Variants in ME3 observed in about 807,000 individuals in gnomAD.
ME3 encodes malic enzyme 3.
ME3 carries 48 observed loss-of-function variants against 68.9 expected under a neutral mutation model. That is an observed-to-expected ratio of 0.70 (90% CI 0.55 to 0.89). The LOEUF is 0.89. Ranked by LOEUF, ME3 falls within the 40% of genes least tolerant of loss-of-function variation. ME3 has a pLI of 0.00. For missense variants in ME3, 675 were observed against 797.4 expected (o/e 0.85, Z 1.85); for synonymous variants, 320 against 318.8 (o/e 1.00, Z -0.04).
At chr11:86,556,941 A>C (rs973886789) in intron 3 of ME3, among the ~76,000 whole-genome samples, 1 of 152,184 alleles carries the variant, frequency 6.6e-6, no homozygotes, top group Non-Finnish European at 1.5e-5. Context: ...AACTCCTTTA[A>C]AACTTCCAAT....
chr11:86,669,558 C>T (rs1227940504), intron 2 of ME3, among the ~76,000 whole-genome samples: 1 of 152,150 alleles, frequency 6.6e-6, no homozygotes, highest in Non-Finnish European at 1.5e-5. Context: ...ACTTATAAAA[C>T]CATCAGGTCT....
chr11:86,607,093 G>GC (rs1400107193), intron 2 of ME3, among the ~76,000 whole-genome samples: 1 of 152,116 alleles, frequency 6.6e-6, no homozygotes, highest in East Asian at 1.9e-4. Flanking sequence ...AGAGGTACAG[G>GC]CTTATTTTCA....
intron 2 of ME3, 66 bp from the exon 3 acceptor site, chr11:86,559,889 G>A: frequency 6.5e-7 from 1 of 1,535,068 alleles, no homozygotes; most frequent in East Asian, 2.3e-5. Flanking sequence ...GAACAGAAGG[G>A]GTCCCACCCA....
intron 2 of ME3, among the ~76,000 whole-genome samples, chr11:86,580,214 T>C (rs536455175): frequency 1.3e-5 from 2 of 152,308 alleles, no homozygotes; most frequent in African/African-American, 4.8e-5. Context: ...CTGTTCTAGA[T>C]TGACATTGTC....
At chr11:86,436,138 C>T (rs1023617732), downstream of ME3, 1 of 152,108 alleles carries the variant, frequency 6.6e-6, no homozygotes, top group African/African-American at 2.4e-5. Flanking sequence ...AGGGAACTCT[C>T]CCTTAATCTA....
chr11:86,471,141 CTTTTTTTTTTTTTTT>C (rs1163128094), intron 7 of ME3, among the ~76,000 whole-genome samples: 2 of 75,044 alleles, frequency 2.7e-5, no homozygotes, highest in African/African-American at 1.3e-4. Flanking sequence ...AGGCCCAGAG[CTTTTTTTTTTTTTTT>C]TTTTTTTTTT....
chr11:86,444,877 T>A (rs1949194973), intron 13 of ME3, among the ~76,000 whole-genome samples: 1 of 152,142 alleles, frequency 6.6e-6, no homozygotes, highest in Admixed American at 6.5e-5. Context: ...TAATGTGAGC[T>A]CCTATAGGGG....
chr11:86,646,311 T>C (rs917737581), intron 2 of ME3, among the ~76,000 whole-genome samples: 3 of 152,030 alleles, frequency 2.0e-5, no homozygotes, highest in Non-Finnish European at 4.4e-5. Context: ...TGATAAAAGG[T>C]TACAGGAACT....
At chr11:86,572,461 T>G (rs1957853599) in intron 2 of ME3, among the ~76,000 whole-genome samples, 1 of 152,072 alleles carries the variant, frequency 6.6e-6, no homozygotes, top group Admixed American at 6.6e-5. Flanking sequence ...CAGGCCCCGA[T>G]GTATGTTGTT....
intron 7 of ME3, among the ~76,000 whole-genome samples, chr11:86,471,538 G>A (rs1226616194): frequency 6.6e-6 from 1 of 152,062 alleles, no homozygotes; most frequent in East Asian, 1.9e-4. Flanking sequence ...GGACATATCT[G>A]TAACAATATA....
intron 8 of ME3, among the ~76,000 whole-genome samples, chr11:86,458,531 C>A (rs1184680224): frequency 6.6e-6 from 1 of 152,064 alleles, no homozygotes; most frequent in Non-Finnish European, 1.5e-5. Context: ...AAGGGGAGAT[C>A]TCGGAGGAGC....
At chr11:86,504,380 CTTTTTTTTTTTTTT>C (rs35899335) in intron 5 of ME3, among the ~76,000 whole-genome samples, 2 of 77,406 alleles carry the variant, frequency 2.6e-5, no homozygotes, top group African/African-American at 5.2e-5. Context: ...CCTATACATT[CTTTTTTTTTTTTTT>C]TTTTTTTTTT....
intron 2 of ME3, among the ~76,000 whole-genome samples, chr11:86,569,094 C>T (rs1011095626): frequency 6.6e-6 from 1 of 152,192 alleles, no homozygotes; most frequent in African/African-American, 2.4e-5. Context: ...TCAGTGAACA[C>T]CAGCTGTTCT....
At chr11:86,522,634 G>T (rs1954409775) in intron 4 of ME3, among the ~76,000 whole-genome samples, 1 of 152,020 alleles carries the variant, frequency 6.6e-6, no homozygotes, top group Non-Finnish European at 1.5e-5. Context: ...TGTGGAGTTT[G>T]GTTTTCTGTT....
rs1413949498 is a variant in ME3 at position 86,457,834 on chromosome 11, G to GT, written c.919+7256dup. On this transcript the variant is annotated intron_variant, in intron 8 of 14. Transcript: ENST00000543262. ...CATAATTACATTTCCTGCAAACTGA[G>GT]TACTTGAGGTTGTAGCTTCAGGAAA... The GT allele has an allele frequency of 4.9e-6, 6 of 1,223,456 alleles. No individual in the cohort carries two copies. In the African/African-American group the frequency reaches 7.8e-5, roughly 16 times the overall value. 75.8% of individuals were successfully genotyped at this position (1,223,456 alleles called of 1,614,324 possible).
chr11:86,601,246 T>C (rs929240097), intron 2 of ME3, among the ~76,000 whole-genome samples: 12 of 151,656 alleles, frequency 7.9e-5, no homozygotes, highest in African/African-American at 2.4e-4. Flanking sequence ...ATCAAATAGA[T>C]GCAATAAAAA....
At chr11:86,543,478 A>C (rs1217047971) in intron 4 of ME3, among the ~76,000 whole-genome samples, 1 of 152,208 alleles carries the variant, frequency 6.6e-6, no homozygotes, top group African/African-American at 2.4e-5. Flanking sequence ...AGCAAATGGA[A>C]AGCAAAAAAA....
rs150355109 is a variant in ME3, at chr11:86,666,329, T to C, written c.183+5433A>G. Among the ~76,000 whole-genome samples the C allele has an allele frequency of 6.6e-5, 10 of 152,336 alleles. No homozygotes were observed. The East Asian group carries it at 1.9e-3, about 29-fold the overall frequency. ...GAGGTAAGACCTGTCATCCTGGACT[T>C]TGAAATGTAAAATGCATACTGGATG... On this transcript the variant is annotated intron_variant, in intron 2 of 14. Coordinates refer to ENST00000543262, the Ensembl canonical transcript of ME3.
intron 2 of ME3, among the ~76,000 whole-genome samples, chr11:86,655,496 G>A (rs1393930620): frequency 6.6e-6 from 1 of 152,104 alleles, no homozygotes; most frequent in Non-Finnish European, 1.5e-5. Context: ...AAGCAATGGG[G>A]AAAGGATTCC....
Sources: gnomAD v4.1 joint callset for allele counts (sites outside exome capture counted in the v4.1 genomes callset) on GRCh38, gnomAD v4.1.1 for gene constraint, MANE v1.5 for transcripts, NCBI Gene and HGNC (gene_info 2026-07-23, HGNC 2026-07-21) for gene names.